Variants in NFIA observed in about 807,000 individuals in gnomAD.
The protein encoded by NFIA is nuclear factor 1 A-type.
A neutral mutation model predicts 62.8 loss-of-function variants in NFIA; 8 were observed. That is an observed-to-expected ratio of 0.13 (90% confidence interval 0.07 to 0.23). The LOEUF is 0.23. Ranked by LOEUF, NFIA falls within the 10% of genes least tolerant of loss-of-function variation. The probability of loss-of-function intolerance (pLI) is 1.00; values close to 1 mark genes in which losing one functional copy is unlikely to be tolerated. For synonymous variants in NFIA, 235 were observed against 238.1 expected (o/e 0.99, Z 0.12); for missense variants, 410 against 642.1 (o/e 0.64, Z 3.91).
At chr1:61,147,724 T>C (rs182519677) in intron 2 of NFIA, among the ~76,000 whole-genome samples, 1 of 152,328 alleles carries the variant, frequency 6.6e-6, no homozygotes, top group East Asian at 1.9e-4. Flanking sequence ...TTGTTTTTTT[T>C]CACCTAGTAG....
chr1:61,277,424 A>T, intron 2 of NFIA, 96 bp from the exon 3 acceptor site: 1 of 1,029,078 alleles, frequency 9.7e-7, no homozygotes, highest in Non-Finnish European at 1.5e-6. Flanking sequence ...TCCCTTTCTT[A>T]GTTTATAGGT....
At chr1:61,122,706 G>A (rs1426622520) in intron 2 of NFIA, among the ~76,000 whole-genome samples, 1 of 152,170 alleles carries the variant, frequency 6.6e-6, no homozygotes, top group African/African-American at 2.4e-5. Flanking sequence ...TGTGGACTGT[G>A]TCTAGGATTA....
At chr1:61,309,622 G>A (rs544421907) in intron 3 of NFIA, among the ~76,000 whole-genome samples, 3 of 152,300 alleles carry the variant, frequency 2.0e-5, no homozygotes, top group Middle Eastern at 3.4e-3. Flanking sequence ...CGGGCGCAGT[G>A]GCTAACGCCT....
At chr1:61,318,302 G>A (rs2100362367) in intron 3 of NFIA, among the ~76,000 whole-genome samples, 1 of 152,272 alleles carries the variant, frequency 6.6e-6, no homozygotes, top group Non-Finnish European at 1.5e-5. Context: ...ACAAGCAATG[G>A]TAATAAGTCG....
At chr1:61,368,028 G>A (rs1026107706) in intron 6 of NFIA, among the ~76,000 whole-genome samples, 24 of 152,218 alleles carry the variant, frequency 1.6e-4, no homozygotes, top group Non-Finnish European at 2.8e-4. Flanking sequence ...TCGAACGAAT[G>A]AGCGTTGCTC....
At chr1:61,366,102 C>T (rs1018865246) in intron 6 of NFIA, among the ~76,000 whole-genome samples, 1 of 152,078 alleles carries the variant, frequency 6.6e-6, no homozygotes, top group Admixed American at 6.6e-5. Flanking sequence ...AAATTTAAGT[C>T]TTCTTCCTAA....
At chr1:61,294,294 C>T (rs182014744) in intron 3 of NFIA, among the ~76,000 whole-genome samples, 16 of 152,148 alleles carry the variant, frequency 1.1e-4, no homozygotes, top group African/African-American at 3.6e-4. Context: ...AGATACTGCT[C>T]CAGGCATTAG....
chr1:61,436,433 C>T (rs919911221), intron 10 of NFIA, among the ~76,000 whole-genome samples: 5 of 152,038 alleles, frequency 3.3e-5, no homozygotes, highest in Admixed American at 6.6e-5. Flanking sequence ...TTGGCCTTAC[C>T]GAATATTTCT....
intron 2 of NFIA, among the ~76,000 whole-genome samples, chr1:61,252,677 G>A (rs1656120695): frequency 1.3e-5 from 2 of 152,328 alleles, no homozygotes; most frequent in Admixed American, 6.5e-5. Flanking sequence ...GAAAGATGCT[G>A]TGGAGCTCCA....
At chr1:61,173,015 T>TC in intron 2 of NFIA, among the ~76,000 whole-genome samples, 1 of 152,324 alleles carries the variant, frequency 6.6e-6, no homozygotes, top group African/African-American at 2.4e-5. Flanking sequence ...CAGGTATTGT[T>TC]ACCTCCAAAT....
chr1:61,434,353 A>G (rs906074195), intron 10 of NFIA, among the ~76,000 whole-genome samples: 8 of 151,980 alleles, frequency 5.3e-5, no homozygotes, highest in African/African-American at 1.9e-4. Context: ...CTCCCTCCAT[A>G]CTACTGTGGG....
At chr1:61,375,851 G>A (rs1664125386) in intron 6 of NFIA, among the ~76,000 whole-genome samples, 1 of 151,910 alleles carries the variant, frequency 6.6e-6, no homozygotes, top group African/African-American at 2.4e-5. Flanking sequence ...TTCCTCCTTC[G>A]TTTCATGGAA....
At chr1:61,098,231 A>T (rs927594528) in intron 2 of NFIA, among the ~76,000 whole-genome samples, 1 of 152,194 alleles carries the variant, frequency 6.6e-6, no homozygotes, top group African/African-American at 2.4e-5. Context: ...CATGTTGCTG[A>T]TGGAAAACTG....
chr1:61,098,900 A>G (rs1017784305), intron 2 of NFIA, among the ~76,000 whole-genome samples: 7 of 151,996 alleles, frequency 4.6e-5, no homozygotes, highest in African/African-American at 1.4e-4. Context: ...ATGTAGTAAT[A>G]CACACACACA....
chr1:61,242,480 G>A (rs1475676389), intron 2 of NFIA, among the ~76,000 whole-genome samples: 1 of 152,188 alleles, frequency 6.6e-6, no homozygotes, highest in Non-Finnish European at 1.5e-5. Context: ...TGTACTCTGT[G>A]ATATGGTTAA....
intron 1 of NFIA, among the ~76,000 whole-genome samples, chr1:61,085,348 G>A (rs185029372): frequency 2.6e-5 from 4 of 152,226 alleles, no homozygotes; most frequent in Admixed American, 2.6e-4. Context: ...GCATTCAGTG[G>A]TTCTTAAACT....
At chr1:61,079,449 C>A (rs1646069534), upstream of NFIA, among the ~76,000 whole-genome samples, 1 of 152,150 alleles carries the variant, frequency 6.6e-6, no homozygotes, top group South Asian at 2.1e-4. Context: ...GGCAAGGTAA[C>A]GTTTCTGCAA....
chr1:61,163,781 G>A (rs168022), intron 2 of NFIA, among the ~76,000 whole-genome samples: 133,696 of 152,188 alleles, frequency 0.88, 59,255 homozygotes, highest in Non-Finnish European at 0.94. Flanking sequence ...ATCTATTTTT[G>A]TATGCTGGGG....
intron 1 of NFIA, among the ~76,000 whole-genome samples, chr1:61,085,586 T>C (rs1646204846): frequency 6.6e-6 from 1 of 152,096 alleles, no homozygotes; most frequent in Admixed American, 6.5e-5. Flanking sequence ...TTTTAACTAA[T>C]CATTTATGCT....
Sources: allele counts gnomAD v4.1 joint callset (sites outside exome capture counted in the v4.1 genomes callset), GRCh38; gene constraint gnomAD v4.1.1; transcripts MANE v1.5; gene names NCBI Gene and HGNC (gene_info 2026-07-23, HGNC 2026-07-21).